The following PDE4D variants were observed in gnomAD, a reference collection of about 807,000 sequenced individuals.
PDE4D encodes 3',5'-cyclic-AMP phosphodiesterase 4D.
In PDE4D, 24 loss-of-function variants were observed where a neutral mutation model predicts 87.4. That is an observed-to-expected ratio of 0.27 (90% CI 0.20 to 0.39). The LOEUF is 0.39. Ranked by LOEUF, PDE4D falls within the 10% of genes least tolerant of loss-of-function variation. PDE4D has a pLI of 1.00. For synonymous variants in PDE4D, 384 were observed against 383.2 expected (o/e 1.00, Z -0.02); for missense variants, 714 against 1,041.0 (o/e 0.69, Z 4.32).
intron 1 of PDE4D, among the ~76,000 whole-genome samples, chr5:60,415,895 T>G (rs6896850): frequency 0.3 from 45,923 of 152,168 alleles, 8,546 homozygotes; most frequent in African/African-American, 0.53. Flanking sequence ...TGGTGGGGAC[T>G]TGGAGAATCT....
chr5:59,245,702 T>C (rs1035229827), intron 1 of PDE4D, among the ~76,000 whole-genome samples: 3 of 152,262 alleles, frequency 2.0e-5, no homozygotes, highest in African/African-American at 7.2e-5. Context: ...ATCCTGGTTC[T>C]GCCAGGAGCT....
rs368177841 is a variant in PDE4D at position 60,282,800 on chromosome 5, G to A, written c.-89-97113C>T. ...CTACATATGAGTTATTTGGAAGCAT[G>A]ATATTTAGTGTCCAGATATCTGGGG... On this transcript the variant is annotated intron_variant, in intron 1 of 16. Transcript: ENST00000502484. Among the ~76,000 whole-genome samples, 19 of 152,302 alleles carry A rather than the reference G, an allele frequency of 1.2e-4. 1 individual carries two copies. The South Asian group carries it at 3.7e-3, about 30-fold the overall frequency.
chr5:59,534,107 GA>G (rs1356789616), intron 1 of PDE4D, among the ~76,000 whole-genome samples: 1 of 152,038 alleles, frequency 6.6e-6, no homozygotes, highest in Non-Finnish European at 1.5e-5. Context: ...TATATATTAA[GA>G]AATGCTTTTC....
chr5:60,226,450 T>A (rs1362002942), intron 1 of PDE4D, among the ~76,000 whole-genome samples: 1 of 152,134 alleles, frequency 6.6e-6, no homozygotes, highest in African/African-American at 2.4e-5. Flanking sequence ...CCAGTTGGAA[T>A]GAACCTTCAC....
chr5:59,130,582 C>A (rs1580964672), intron 5 of PDE4D, among the ~76,000 whole-genome samples: 2 of 152,282 alleles, frequency 1.3e-5, no homozygotes, highest in African/African-American at 4.8e-5. Flanking sequence ...AGTTGGCTAA[C>A]CCAAATTTCG....
intron 3 of PDE4D, among the ~76,000 whole-genome samples, chr5:59,922,819 A>T (rs1561864798): frequency 6.6e-6 from 1 of 151,874 alleles, no homozygotes; most frequent in Non-Finnish European, 1.5e-5. Flanking sequence ...TGCTTGAGAA[A>T]AGGAGAAAGA....
At chr5:59,469,196 C>T (rs559623358) in intron 1 of PDE4D, among the ~76,000 whole-genome samples, 14 of 152,006 alleles carry the variant, frequency 9.2e-5, no homozygotes, top group Admixed American at 7.9e-4. Context: ...GGCGTGGTAG[C>T]GGGTGCCTGT....
Position 58,972,365 on chromosome 5 carries a change from C to CAATT in PDE4D, c.*2295_*2298dup, listed in dbSNP as rs1292280073. The stretch of plus-strand genomic sequence containing the variant: ...CAGAGGAAACAGAGTAGAAACCTTG[C>CAATT]AATTAACTAGTTGATTCCTCTTCTG... On this transcript the variant is annotated 3_prime_UTR_variant, in exon 15 of 15. Coordinates refer to ENST00000340635, the MANE Select transcript of PDE4D (RefSeq NM_001104631.2). 1 of 152,538 alleles carries CAATT rather than the reference C, an allele frequency of 6.6e-6. No homozygotes were observed. Among genetic ancestry groups the CAATT allele is most frequent in the Non-Finnish European group, 1.5e-5 (1 of 68,022 alleles). The allele number at this position is 152,538 out of a possible 1,614,324, so 9.4% of individuals were successfully genotyped here.
At chr5:59,435,495 C>A (rs920163304) in intron 1 of PDE4D, among the ~76,000 whole-genome samples, 2 of 152,144 alleles carry the variant, frequency 1.3e-5, no homozygotes, top group African/African-American at 4.8e-5. Flanking sequence ...CTCTGGCTGG[C>A]TAATTCCTTT....
intron 2 of PDE4D, among the ~76,000 whole-genome samples, chr5:60,159,345 A>G (rs1562165803): frequency 6.6e-6 from 1 of 152,224 alleles, no homozygotes; most frequent in Non-Finnish European, 1.5e-5. Flanking sequence ...ACACACTAAA[A>G]CAATGATTAA....
rs563423035 is a variant in PDE4D at position 59,529,496 on chromosome 5, A to AG, written c.456-313529dup. Among the ~76,000 whole-genome samples, 484 of 152,286 alleles carry AG rather than the reference A, an allele frequency of 3.2e-3. 2 individuals are homozygous for AG. The highest frequency in any genetic ancestry group is 0.011 in the African/African-American group (446 of 41,540). The stretch of plus-strand genomic sequence containing the variant: ...GACAAGGAGAAGGATGTGCAGCAAT[A>AG]GGGGCACAAGCATTGACCTTTGAAG... On this transcript the variant is annotated intron_variant, in intron 1 of 14. Transcript: ENST00000340635.
intron 3 of PDE4D, among the ~76,000 whole-genome samples, chr5:59,899,762 A>C (rs2152761418): frequency 6.6e-6 from 1 of 152,252 alleles, no homozygotes; most frequent in African/African-American, 2.4e-5. Context: ...ATCAAGTGCA[A>C]AGACATGGCA....
At chr5:59,170,351 TACA>T (rs1238486032) in intron 5 of PDE4D, among the ~76,000 whole-genome samples, 1 of 152,160 alleles carries the variant, frequency 6.6e-6, no homozygotes, top group African/African-American at 2.4e-5. Context: ...TGAAGGATAA[TACA>T]ACATTTTTGT....
At chr5:58,990,923 A>C (rs1747762172) in intron 8 of PDE4D, 21 bp from the exon 9 acceptor site, 1 of 1,231,690 alleles carries the variant, frequency 8.1e-7, no homozygotes, top group African/African-American at 1.5e-5. Flanking sequence ...AAAAAAAAAA[A>C]GATACTAAAA....
chr5:58,983,312 T>G (rs1288027661), intron 11 of PDE4D, among the ~76,000 whole-genome samples: 1 of 152,250 alleles, frequency 6.6e-6, no homozygotes, highest in Non-Finnish European at 1.5e-5. Context: ...GCAGTGTAAT[T>G]AATAGGAGTG....
At position 58,986,282 on chromosome 5, in the gene PDE4D, A is replaced by T. The variant is rs554137297; in HGVS notation, c.1552+2211T>A. Among the ~76,000 whole-genome samples the T allele has an allele frequency of 2.6e-5, 4 of 152,288 alleles. 1 individual carries two copies. The highest frequency in any genetic ancestry group is 1.3e-4 in the Admixed American group (2 of 15,298). Reference sequence around the variant, plus strand: ...CCTCCACTATTTCATTGGTTCTCAAACTTTAGAGTATCAGATTCATCTGTA... The same window carrying T: ...CCTCCACTATTTCATTGGTTCTCAATCTTTAGAGTATCAGATTCATCTGTA... On this transcript the variant is annotated intron_variant, in intron 11 of 14. Coordinates refer to ENST00000340635, the MANE Select transcript of PDE4D (RefSeq NM_001104631.2).
At chr5:59,297,908 A>G (rs1052426007) in intron 1 of PDE4D, among the ~76,000 whole-genome samples, 2 of 152,092 alleles carry the variant, frequency 1.3e-5, no homozygotes, top group African/African-American at 4.8e-5. Flanking sequence ...CACCTGGAGT[A>G]ATGTGGATTT....
chr5:59,318,436 T>C (rs916944785), intron 1 of PDE4D, among the ~76,000 whole-genome samples: 1 of 152,132 alleles, frequency 6.6e-6, no homozygotes, highest in African/African-American at 2.4e-5. Flanking sequence ...AATCACAAAG[T>C]TCTGTACAAT....
At chr5:60,129,731 TA>T (rs1209569203) in intron 2 of PDE4D, among the ~76,000 whole-genome samples, 7 of 152,220 alleles carry the variant, frequency 4.6e-5, no homozygotes, top group African/African-American at 1.4e-4. Context: ...CTGTAGCCAT[TA>T]ATCAATGTTG....
Sources: gnomAD v4.1 joint callset for allele counts (sites outside exome capture counted in the v4.1 genomes callset) on GRCh38, gnomAD v4.1.1 for gene constraint, MANE v1.5 for transcripts, NCBI Gene and HGNC (gene_info 2026-07-23, HGNC 2026-07-21) for gene names.